The following PMP22 variants were observed in gnomAD, a reference collection of about 807,000 sequenced individuals.
PMP22 encodes the protein Charcot-Marie-Tooth neuropathy 1A (greatly reduced nerve conduction velocity, hereditary motor sensory neuropathy Ia).
A neutral mutation model predicts 18.9 loss-of-function variants in PMP22; 2 were observed. The ratio of observed to expected loss-of-function variants is 0.11; its 90% CI spans 0.04 to 0.33. PMP22 has a LOEUF of 0.33. Among genes scored for constraint, PMP22 ranks in the 10% least tolerant of loss-of-function variants. The pLI is 1.00. For synonymous variants in PMP22, 95 were observed against 89.2 expected (o/e 1.07, Z -0.37); for missense variants, 169 against 202.2 (o/e 0.84, Z 1.00).
chr17:15,254,231 A>G (rs1445211209), intron 3 of PMP22, among the ~76,000 whole-genome samples: 1 of 152,180 alleles, frequency 6.6e-6, no homozygotes, highest in Non-Finnish European at 1.5e-5. Flanking sequence ...TGATATAATT[A>G]GGTTTGTGCT....
chr17:15,238,155 G>C (rs1360825486), intron 4 of PMP22, among the ~76,000 whole-genome samples: 2 of 152,096 alleles, frequency 1.3e-5, no homozygotes, highest in Non-Finnish European at 2.9e-5. Flanking sequence ...AGCTTGGCTT[G>C]GTGTCATAAG....
intron 3 of PMP22, among the ~76,000 whole-genome samples, chr17:15,248,579 T>C (rs1447152182): frequency 2.0e-5 from 3 of 152,224 alleles, no homozygotes; most frequent in South Asian, 2.1e-4. Context: ...CTGAGGTTAC[T>C]GGATAATAGT....
In PMP22 at chr17:15,239,602, T is replaced by C; in HGVS notation, c.188A>G (p.Gln63Arg). The C allele has an allele frequency of 6.2e-7, 1 of 1,613,926 alleles. No homozygotes were observed. The highest frequency in any genetic ancestry group is 1.3e-5 in the African/African-American group (1 of 75,056). ...CAGGATCATGGTGGCCTGGACAGAC[T>C]GCAGCCATTCTGGGGGAAAGAGACA... ...CFSSSPNEWL[Q>R]SVQATMILSI... The change falls in exon 4 of 5, where the codon CAG becomes CGG. Residue 63 changes from glutamine to arginine, a missense_variant. Transcript: ENST00000312280.
intron 2 of PMP22, among the ~76,000 whole-genome samples, chr17:15,259,785 C>CA (rs551702415): frequency 0.034 from 4,456 of 130,470 alleles, 174 homozygotes; most frequent in African/African-American, 0.1. Context: ...ACTAAAAATA[C>CA]AAAAAAAAAA....
intron 4 of PMP22, among the ~76,000 whole-genome samples, chr17:15,232,773 C>A (rs1458053387): frequency 6.6e-6 from 1 of 152,100 alleles, no homozygotes; most frequent in African/African-American, 2.4e-5. Context: ...ACCAGCTACT[C>A]CCCGATTTCA....
intron 3 of PMP22, among the ~76,000 whole-genome samples, chr17:15,242,596 G>T (rs970309872): frequency 6.6e-6 from 1 of 152,030 alleles, no homozygotes; most frequent in African/African-American, 2.4e-5. Flanking sequence ...AATATGAGAA[G>T]AAATTGTTAA....
At chr17:15,233,227 C>A (rs945371658) in intron 4 of PMP22, among the ~76,000 whole-genome samples, 1 of 152,146 alleles carries the variant, frequency 6.6e-6, no homozygotes, top group Non-Finnish European at 1.5e-5. Flanking sequence ...ATCACCAGGT[C>A]CCTGTGGCAA....
In PMP22 at chr17:15,259,250, A is replaced by AGGGGGAGGAGTGAAGGAAAT. The variant is rs1909096254; in HGVS notation, c.79-58_79-57insATTTCCTTCACTCCTCCCCC. On this transcript the variant is annotated intron_variant, in intron 2 of 4. Coordinates refer to ENST00000312280, the MANE Select transcript of PMP22 (RefSeq NM_000304.4). ...GGGAGGGAGGGAGGAGTGAAGGAAAAGGGGAAGGAGAAAGGCCCAGGGATG... is the reference window on the plus strand; with the variant it reads ...GGGAGGGAGGGAGGAGTGAAGGAAAAGGGGGAGGAGTGAAGGAAATGGGGAAGGAGAAAGGCCCAGGGATG... 3.6e-6 allele frequency: 5 copies of AGGGGGAGGAGTGAAGGAAAT among 1,392,970 alleles called. No individual in the cohort carries two copies. The East Asian group carries it at 1.1e-4, about 32-fold the overall frequency. 86.3% of individuals were successfully genotyped at this position (1,392,970 alleles called of 1,614,324 possible).
At chr17:15,257,532 G>C (rs1314646094) in intron 3 of PMP22, among the ~76,000 whole-genome samples, 1 of 152,224 alleles carries the variant, frequency 6.6e-6, no homozygotes, top group Non-Finnish European at 1.5e-5. Flanking sequence ...CCAGGTGTCA[G>C]TAGCGAGTAC....
intron 3 of PMP22, among the ~76,000 whole-genome samples, chr17:15,254,055 C>T (rs868523663): frequency 6.6e-5 from 10 of 152,074 alleles, no homozygotes; most frequent in African/African-American, 1.9e-4. Flanking sequence ...CATTTCAGGA[C>T]GTGAGAAAAC....
chr17:15,260,766 G>A lies in PMP22; in HGVS notation c.-34-5C>T, dbSNP rs375105159. ...TCTGCTCAGCGGAGTTTCTGCCTGCGAGGAGAGCGCTGGGCGTGAGGCCGA... is the reference window on the plus strand; with the variant it reads ...TCTGCTCAGCGGAGTTTCTGCCTGCAAGGAGAGCGCTGGGCGTGAGGCCGA... On this transcript the variant is annotated splice_region_variant and splice_polypyrimidine_tract_variant and intron_variant, in intron 1 of 4. Transcript: ENST00000312280. 5.8e-4 allele frequency: 886 copies of A among 1,521,208 alleles called. 1 individual carries two copies. The highest frequency in any genetic ancestry group is 7.5e-4 in the Non-Finnish European group (836 of 1,119,690). 94.2% of individuals were successfully genotyped at this position (1,521,208 alleles called of 1,614,324 possible). A position where few individuals can be genotyped will look rare whatever the true frequency, so the allele number is the denominator to read the frequency against.
At position 15,251,187 on chromosome 17, in the gene PMP22, C is replaced by T. The variant is rs569149057; in HGVS notation, c.178+7907G>A. 2.0e-5 allele frequency among the ~76,000 whole-genome samples: 3 copies of T among 152,286 alleles called. No individual in the cohort carries two copies. The East Asian group carries it at 5.8e-4, about 29-fold the overall frequency. On this transcript the variant is annotated intron_variant, in intron 3 of 4. Coordinates refer to ENST00000312280, the MANE Select transcript of PMP22 (RefSeq NM_000304.4). ...TGGTTCTTCCTATAACTGGTCCTTC[C>T]CTGTCTTCTAAATCTCAGACCACAT...
intron 1 of PMP22, among the ~76,000 whole-genome samples, chr17:15,262,922 G>C (rs1333247589): frequency 6.6e-6 from 1 of 152,032 alleles, no homozygotes; most frequent in Non-Finnish European, 1.5e-5. Flanking sequence ...TGGGCCCGCC[G>C]ACGCCGACCG....
Position 15,261,044 on chromosome 17 carries a change from C to T in PMP22, c.-34-283G>A, listed in dbSNP as rs759858590. 3.0e-5 allele frequency: 6 copies of T among 200,920 alleles called. No homozygotes were observed. Among genetic ancestry groups the T allele is most frequent in the Non-Finnish European group, 4.9e-5 (5 of 102,904 alleles). The allele number at this position is 200,920 out of a possible 1,614,324, so 12.4% of individuals were successfully genotyped here. ...CAAGCGGTTCGCACGTCTAAAACCACCCAGGGAACGGAGGGGTTTCCAGAA... is the reference window on the plus strand; with the variant it reads ...CAAGCGGTTCGCACGTCTAAAACCATCCAGGGAACGGAGGGGTTTCCAGAA... On this transcript the variant is annotated intron_variant, in intron 1 of 4. Transcript: ENST00000312280. The surrounding 1 kb of genome is among the most constrained non-coding windows in gnomAD (Gnocchi z 5.2).
At chr17:15,235,680 G>T (rs948740902) in intron 4 of PMP22, among the ~76,000 whole-genome samples, 3 of 152,176 alleles carry the variant, frequency 2.0e-5, no homozygotes, top group African/African-American at 7.2e-5. Flanking sequence ...GAGTCACCTA[G>T]GCAGTGGATC....
At chr17:15,238,048 C>T (rs1906962978) in intron 4 of PMP22, among the ~76,000 whole-genome samples, 1 of 151,660 alleles carries the variant, frequency 6.6e-6, no homozygotes, top group Non-Finnish European at 1.5e-5. Flanking sequence ...TTTATTCCAA[C>T]TGAAAATTGA....
intron 3 of PMP22, among the ~76,000 whole-genome samples, chr17:15,250,493 T>A (rs1340238509): frequency 6.6e-6 from 1 of 152,184 alleles, no homozygotes; most frequent in African/African-American, 2.4e-5. Context: ...ACTTCTAAAT[T>A]GAAGTGATTT....
intron 4 of PMP22, among the ~76,000 whole-genome samples, chr17:15,232,826 G>T (rs996042847): frequency 3.3e-5 from 5 of 152,140 alleles, no homozygotes; most frequent in Admixed American, 2.0e-4. Flanking sequence ...GAACAAGAGG[G>T]ATAGAAAGAG....
chr17:15,233,351 T>C (rs1212400473), intron 4 of PMP22, among the ~76,000 whole-genome samples: 2 of 152,266 alleles, frequency 1.3e-5, no homozygotes, highest in Admixed American at 1.3e-4. Flanking sequence ...AGAAGGACAC[T>C]GACCCTGTCC....
Sources: gnomAD v4.1 joint callset for allele counts (sites outside exome capture counted in the v4.1 genomes callset) on GRCh38, gnomAD v4.1.1 for gene constraint, Gnocchi (gnomAD v3.1) non-coding constraint, MANE v1.5 for transcripts, NCBI Gene and HGNC (gene_info 2026-07-23, HGNC 2026-07-21) for gene names.